Variants in SLC19A1 observed in about 807,000 individuals in gnomAD.
The protein encoded by SLC19A1 is solute carrier family 19 member 1, also known as reduced folate transporter.
SLC19A1 carries 37 observed loss-of-function variants against 35.3 expected under a neutral mutation model. That is an observed-to-expected ratio of 1.05 (90% CI 0.81 to 1.38). SLC19A1 has a LOEUF of 1.38. Among genes scored for constraint, SLC19A1 ranks in the 40% most tolerant of loss-of-function variants. The pLI is 0.00. For missense variants in SLC19A1, 831 were observed against 826.9 expected (o/e 1.00, Z -0.06); for synonymous variants, 460 against 398.5 (o/e 1.15, Z -1.84).
rs1478614434 is a variant in SLC19A1 at position 45,517,661 on chromosome 21, C to T, written c.1294-1521G>A. Among the ~76,000 whole-genome samples the T allele has an allele frequency of 6.6e-6, 1 of 151,850 alleles. No homozygotes were observed. The highest frequency in any genetic ancestry group is 1.5e-5 in the Non-Finnish European group (1 of 68,012). On this transcript the variant is annotated intron_variant, in intron 5 of 5. Transcript: ENST00000311124. The surrounding 1 kb of genome is among the most constrained non-coding windows in gnomAD (Gnocchi z 4.4). ...TAGTAAGAGCGTGCCTGTCCTGTCC[C>T]CCTCCATGCTGGGGGGTGTCAGAGG...
chr21:45,505,482 T>C, intron 3 of SLC19A1: 1 of 951,428 alleles, frequency 1.1e-6, no homozygotes, highest in South Asian at 1.4e-5. Context: ...CCCTGGCTGG[T>C]TCTGCAGCCC....
upstream of SLC19A1, among the ~76,000 whole-genome samples, chr21:45,543,117 G>T (rs1332309654): frequency 6.6e-6 from 1 of 152,168 alleles, no homozygotes; most frequent in African/African-American, 2.4e-5. Context: ...CCCCATCCCA[G>T]CAGGGACAGC....
intron 2 of SLC19A1, chr21:45,536,068 C>A (rs897131392): frequency 8.6e-6 from 3 of 348,508 alleles, no homozygotes; most frequent in Non-Finnish European, 1.2e-5. Flanking sequence ...GGAGGGAGGG[C>A]GTGATGAAGC....
At position 45,525,946 on chromosome 21, in the gene SLC19A1, T is replaced by C. The variant is rs2077600065; in HGVS notation, c.1164A>G (p.Ala388=). ...FLVPIATFQI[A]SSLSKELCAL... ...CACAGAGCTCTTTAGACAGAGAAGA[T>C]GCAATCTGAAAGCTGAACGGGAAGA... is the stretch of plus-strand genomic sequence containing the variant. The change falls in exon 5 of 6, where the codon GCA becomes GCG. Residue 388 remains alanine, a synonymous_variant. Transcript: ENST00000311124. 8 of 1,613,262 alleles carry C rather than the reference T, an allele frequency of 5.0e-6. No individual in the cohort carries two copies. The highest frequency in any genetic ancestry group is 6.8e-6 in the Non-Finnish European group (8 of 1,179,876).
chr21:45,531,725 G>A lies in SLC19A1; in HGVS notation c.613C>T (p.Arg205Cys), dbSNP rs374060592. 8.7e-6 allele frequency: 14 copies of A among 1,612,594 alleles called. No individual in the cohort carries two copies. Among genetic ancestry groups the A allele is most frequent in the African/African-American group, 5.3e-5 (4 of 74,904 alleles). The change falls in exon 3 of 6, where the codon CGC becomes TGC. Residue 205 changes from arginine (R) to cysteine (C), a missense_variant. Coordinates refer to ENST00000311124, the MANE Select transcript of SLC19A1 (RefSeq NM_194255.4). ...TTGAAGAAGAGGCTGCGCTTGGGGC[G>A]CTTCAGGAAGAGGGCGAGGACCACG... ...FSVVLALFLK[R>C]PKRSLFFNRD...
upstream of SLC19A1, among the ~76,000 whole-genome samples, chr21:45,547,177 T>C (rs1235290555): frequency 6.6e-6 from 1 of 152,172 alleles, no homozygotes; most frequent in Non-Finnish European, 1.5e-5. Context: ...TAATGAAAAA[T>C]GTGTAAGTTC....
chr21:45,529,193 G>A (rs954884428), intron 4 of SLC19A1, among the ~76,000 whole-genome samples: 2 of 152,240 alleles, frequency 1.3e-5, no homozygotes, highest in African/African-American at 2.4e-5. Flanking sequence ...AGAGAAGGGT[G>A]GGCCGGGCTG....
upstream of SLC19A1, among the ~76,000 whole-genome samples, chr21:45,543,130 G>T (rs971622046): frequency 1.3e-5 from 2 of 152,170 alleles, no homozygotes; most frequent in African/African-American, 4.8e-5. Flanking sequence ...GGGACAGCCC[G>T]GGGGAGACCC....
chr21:45,503,182 C>T lies in SLC19A1; in HGVS notation c.498-4570G>A, dbSNP rs544476903. On this transcript the variant is annotated intron_variant, in intron 3 of 4. Transcript: ENST00000417954. ...CAATGGTTGAACTAGTTTACAGTCC[C>T]ACCAACAGTGTAAAAGTGTTCCTAT... Among the ~76,000 whole-genome samples the T allele has an allele frequency of 2.2e-4, 34 of 152,300 alleles. 1 individual carries two copies. Among genetic ancestry groups the T allele is most frequent in the Admixed American group, 2.0e-3 (30 of 15,304 alleles).
Position 45,534,633 on chromosome 21 carries a change from G to T in SLC19A1, c.190-2485C>A. 6.5e-7 allele frequency: 1 copy of T among 1,534,390 alleles called. No individual in the cohort carries two copies. The highest frequency in any genetic ancestry group is 8.7e-7 in the Non-Finnish European group (1 of 1,145,784). ...AGGCACCTCCTGGTCTTAGTTGAGG[G>T]TCTGAGCGCAGAGCTCCCCCTTGGC... On this transcript the variant is annotated intron_variant, in intron 2 of 5. Coordinates refer to ENST00000311124, the MANE Select transcript of SLC19A1 (RefSeq NM_194255.4). This position sits in a 1 kb window ranked among gnomAD's most constrained non-coding sequence, Gnocchi z 4.2.
At chr21:45,562,817 T>C (rs1213650378) in exon 1 of SLC19A1, among the ~76,000 whole-genome samples, 1 of 151,988 alleles carries the variant, frequency 6.6e-6, no homozygotes, top group African/African-American at 2.4e-5. Flanking sequence ...AGGAGCTGAA[T>C]TTACGGTAGA....
At position 45,505,037 on chromosome 21, in the gene SLC19A1, C is replaced by T. The variant is rs756901466; in HGVS notation, c.498-6425G>A. The T allele has an allele frequency of 5.3e-5, 79 of 1,491,354 alleles. 1 individual carries two copies. The South Asian group carries it at 6.3e-4, about 12-fold the overall frequency. The allele number at this position is 1,491,354 out of a possible 1,614,324, so 92.4% of individuals were successfully genotyped here. A position where few individuals can be genotyped will look rare whatever the true frequency, so the allele number is the denominator to read the frequency against. ...GGACCGGTGACTCAGAGGCTGCGCT[C>T]GCCAAGGGGGTCTTGGCAGCTGCAG... On this transcript the variant is annotated intron_variant, in intron 3 of 4. Transcript: ENST00000417954.
chr21:45,505,105 CAG>C, intron 3 of SLC19A1: 1 of 1,603,088 alleles, frequency 6.2e-7, no homozygotes, highest in Non-Finnish European at 8.5e-7. Flanking sequence ...ACGAGGTAAC[CAG>C]GAAGCGTCTC....
intron 1 of SLC19A1, among the ~76,000 whole-genome samples, chr21:45,539,088 G>A (rs1462806784): frequency 6.6e-6 from 1 of 152,198 alleles, no homozygotes; most frequent in Non-Finnish European, 1.5e-5. Flanking sequence ...CAGGTGCCAC[G>A]TGGCCCTGGT....
chr21:45,521,148 C>T (rs774249879), intron 5 of SLC19A1, among the ~76,000 whole-genome samples: 1 of 152,158 alleles, frequency 6.6e-6, no homozygotes, highest in Non-Finnish European at 1.5e-5. Context: ...GAGAAACCAA[C>T]CTGCCAACAC....
chr21:45,541,110 C>T (rs184574738), intron 1 of SLC19A1, among the ~76,000 whole-genome samples: 2 of 152,200 alleles, frequency 1.3e-5, no homozygotes, highest in African/African-American at 2.4e-5. Context: ...TTAGACCCTC[C>T]GGCTATCACT....
At chr21:45,543,092 C>G (rs1033061548), upstream of SLC19A1, among the ~76,000 whole-genome samples, 4 of 152,156 alleles carry the variant, frequency 2.6e-5, no homozygotes, top group Admixed American at 1.3e-4. Context: ...CAGGACGTGG[C>G]CCGGGGCCAC....
chr21:45,511,686 G>A (rs980461970), downstream of SLC19A1, among the ~76,000 whole-genome samples: 55 of 152,124 alleles, frequency 3.6e-4, no homozygotes, highest in Admixed American at 1.2e-3. Context: ...TGAGCGCCGC[G>A]ATTCTTCCAA....
chr21:45,552,857 C>T (rs954370512), intron 1 of SLC19A1, among the ~76,000 whole-genome samples: 2 of 149,622 alleles, frequency 1.3e-5, no homozygotes, highest in African/African-American at 5.0e-5. Context: ...GGACACTGCT[C>T]AAAACACACG....
Sources: allele counts gnomAD v4.1 joint callset (sites outside exome capture counted in the v4.1 genomes callset), GRCh38; gene constraint gnomAD v4.1.1; non-coding constraint Gnocchi (gnomAD v3.1); transcripts MANE v1.5; gene names NCBI Gene and HGNC (gene_info 2026-07-23, HGNC 2026-07-21).